MYLIP: variants seen among roughly 807,000 people sequenced by gnomAD.
MYLIP encodes the protein E3 ubiquitin-protein ligase MYLIP.
A neutral mutation model predicts 45.8 loss-of-function variants in MYLIP; 26 were observed. The ratio of observed to expected loss-of-function variants is 0.57; its 90% CI spans 0.42 to 0.79. The LOEUF is 0.79. Ranked by LOEUF, MYLIP falls within the 30% of genes least tolerant of loss-of-function variation. The pLI is 0.00. For synonymous variants in MYLIP, 213 were observed against 218.1 expected, an observed-to-expected ratio of 0.98 and a Z score of 0.21; for missense variants, 494 against 555.6, an observed-to-expected ratio of 0.89 and a Z score of 1.11.
intron 4 of MYLIP, 134 bp from the exon 5 acceptor site, chr6:16,143,565 G>A (rs530835028): frequency 3.4e-6 from 3 of 880,860 alleles, no homozygotes; most frequent in Non-Finnish European, 5.2e-6. Context: ...CAGCATTATG[G>A]TGATGTGATA....
At chr6:16,133,214 A>T (rs760174623) in intron 2 of MYLIP, among the ~76,000 whole-genome samples, 4 of 152,324 alleles carry the variant, frequency 2.6e-5, no homozygotes, top group Middle Eastern at 3.4e-3. Flanking sequence ...CCAGCTCTAC[A>T]TCCTACTTGA....
At chr6:16,136,242 A>AC (rs1228427102) in intron 2 of MYLIP, among the ~76,000 whole-genome samples, 3 of 77,510 alleles carry the variant, frequency 3.9e-5, no homozygotes, top group African/African-American at 9.8e-5. Flanking sequence ...CTTCTTTCCC[A>AC]CCCCCACCCA....
intron 4 of MYLIP, 26 bp from the exon 5 acceptor site, chr6:16,143,673 C>A: frequency 6.2e-7 from 1 of 1,611,646 alleles, no homozygotes; most frequent in Non-Finnish European, 8.5e-7. Flanking sequence ...TCTAGATCTG[C>A]TTTCTTTTCT....
Position 16,144,779 on chromosome 6 carries a change from A to G in MYLIP, c.828-118A>G, listed in dbSNP as rs891856443. 6 of 1,164,714 alleles carry G rather than the reference A, an allele frequency of 5.2e-6. No homozygotes were observed. In the Admixed American group the frequency reaches 1.5e-4, roughly 29 times the overall value. 72.1% of individuals were successfully genotyped at this position (1,164,714 alleles called of 1,614,324 possible). On this transcript the variant is annotated intron_variant, in intron 5 of 6. Coordinates refer to ENST00000356840, the MANE Select transcript of MYLIP (RefSeq NM_013262.4). ...CGTAAAACTGGAAGGACTTACTTTC[A>G]TACATGCAGACGAGACTATGAAACA... is the stretch of plus-strand genomic sequence containing the variant.
intron 2 of MYLIP, among the ~76,000 whole-genome samples, chr6:16,138,150 A>G (rs531556585): frequency 1.3e-5 from 2 of 152,330 alleles, no homozygotes; most frequent in African/African-American, 4.8e-5. Context: ...CAGAGAAAAC[A>G]GTTTTTTTCC....
Position 16,143,058 on chromosome 6 carries a change from A to G in MYLIP, c.503A>G (p.Gln168Arg). 1 of 1,614,212 alleles carries G rather than the reference A, an allele frequency of 6.2e-7. No individual in the cohort carries two copies. The highest frequency in any genetic ancestry group is 8.5e-7 in the Non-Finnish European group (1 of 1,180,026). ...CATAAGGAGTTGGAGGGGACCAGCCAGGCTTCAGCTGAATACCAAGTTTTG... is the reference window on the plus strand; with the variant it reads ...CATAAGGAGTTGGAGGGGACCAGCCGGGCTTCAGCTGAATACCAAGTTTTG... Reference protein sequence around the residue: ...AKHKELEGTSQASAEYQVLQI... With the variant: ...AKHKELEGTSRASAEYQVLQI... The change falls in exon 4 of 7, where the codon CAG (glutamine) becomes CGG (arginine). Residue 168 changes from glutamine to arginine, a missense_variant. Gln to Arg is a conservative substitution (Grantham distance 43). Coordinates refer to ENST00000356840, the MANE Select transcript of MYLIP (RefSeq NM_013262.4).
At chr6:16,144,013 T>A in intron 5 of MYLIP, 150 bp downstream of exon 5, 1 of 906,438 alleles carries the variant, frequency 1.1e-6, no homozygotes, top group Non-Finnish European at 1.6e-6. Context: ...GTAGTAGCAG[T>A]GGAGTCCTTA....
In MYLIP at chr6:16,129,116, G is replaced by A. The variant is rs955736894; in HGVS notation, c.-207G>A. Reference sequence around the variant, plus strand: ...GGCTGCTGGAGTGCGGCGCCACCGCGGAGGACAGGGGCAGCTGGCGGGCAG... The same window carrying A: ...GGCTGCTGGAGTGCGGCGCCACCGCAGAGGACAGGGGCAGCTGGCGGGCAG... On this transcript the variant is annotated 5_prime_UTR_variant, in exon 1 of 7. Transcript: ENST00000356840. The surrounding 1 kb of genome is among the most constrained non-coding windows in gnomAD (Gnocchi z 5.1). 7.1e-6 allele frequency: 4 copies of A among 563,124 alleles called. No homozygotes were observed. Among genetic ancestry groups the A allele is most frequent in the South Asian group, 4.3e-5 (2 of 46,312 alleles). The allele number at this position is 563,124 out of a possible 1,614,324, so 34.9% of individuals were successfully genotyped here.
chr6:16,143,702 A>G lies in MYLIP; in HGVS notation c.666A>G (p.Ile222Met). The change falls in exon 5 of 7, where the codon ATA (isoleucine) becomes ATG (methionine). Residue 222 changes from isoleucine to methionine, a missense_variant. By Grantham distance (10) the Ile-to-Met change is conservative. Coordinates refer to ENST00000356840, the MANE Select transcript of MYLIP (RefSeq NM_013262.4). ...CTTTTCTCTTCCTGTCTCTTAGGAT[A>G]GCTTATCCTGTGGTGCAGATGGCCA... is the stretch of plus-strand genomic sequence containing the variant. The part of the protein sequence containing the change: ...CKDDFSPINR[I>M]AYPVVQMATQ... The G allele has an allele frequency of 3.7e-6, 6 of 1,614,038 alleles. No homozygotes were observed. Among genetic ancestry groups the G allele is most frequent in the East Asian group, 2.2e-5 (1 of 44,888 alleles).
chr6:16,135,413 C>A (rs748155583), intron 2 of MYLIP, among the ~76,000 whole-genome samples: 14 of 152,146 alleles, frequency 9.2e-5, no homozygotes, highest in Admixed American at 4.6e-4. Context: ...AGCTGCTGCC[C>A]TCCACATCTT....
In MYLIP at chr6:16,143,052, C is replaced by A. The variant is rs1759705836; in HGVS notation, c.497C>A (p.Thr166Asn). The stretch of plus-strand genomic sequence containing the variant: ...GCAAAACATAAGGAGTTGGAGGGGA[C>A]CAGCCAGGCTTCAGCTGAATACCAA... ...IVAKHKELEG[T>N]SQASAEYQVL... Residue 166 changes from threonine to asparagine, a missense_variant, in exon 4 of 7, where the codon ACC (threonine) becomes AAC (asparagine). Transcript: ENST00000356840. 2 of 1,614,116 alleles carry A rather than the reference C, an allele frequency of 1.2e-6. No homozygotes were observed. Among genetic ancestry groups the A allele is most frequent in the East Asian group, 2.2e-5 (1 of 44,884 alleles).
the MYLIP span, among the ~76,000 whole-genome samples, chr6:16,155,573 T>C: frequency 6.6e-6 from 1 of 152,236 alleles, no homozygotes; most frequent in Non-Finnish European, 1.5e-5. Flanking sequence ...GAAATTTCCC[T>C]GACCCCTTTG....
At chr6:16,160,463 A>G in the MYLIP span, among the ~76,000 whole-genome samples, 1 of 152,074 alleles carries the variant, frequency 6.6e-6, no homozygotes, top group Non-Finnish European at 1.5e-5. Flanking sequence ...CCTGTCACGT[A>G]TTGGTTTGGA....
intron 4 of MYLIP, 44 bp downstream of exon 4, chr6:16,143,261 A>G (rs1356141134): frequency 6.4e-7 from 1 of 1,561,890 alleles, no homozygotes; most frequent in African/African-American, 1.4e-5. Flanking sequence ...ATGTGTATAC[A>G]TCTGTAGCTG....
chr6:16,143,470 C>G (rs895537989), intron 4 of MYLIP, among the ~76,000 whole-genome samples: 4 of 152,220 alleles, frequency 2.6e-5, no homozygotes, highest in African/African-American at 4.8e-5. Context: ...CAGCTCTAGA[C>G]ATGCATGTGC....
chr6:16,141,601 C>T (rs369548845), intron 2 of MYLIP, 24 bp from the exon 3 acceptor site: 60 of 1,599,358 alleles, frequency 3.8e-5, no homozygotes, highest in Non-Finnish European at 2.9e-5. Context: ...CCAAGCATAA[C>T]CTCACTCTCA....
At chr6:16,155,135 C>T in the MYLIP span, among the ~76,000 whole-genome samples, 1 of 152,112 alleles carries the variant, frequency 6.6e-6, no homozygotes, top group African/African-American at 2.4e-5. Flanking sequence ...GTGGGCTAGT[C>T]AGGCCTTAGT....
chr6:16,143,925 C>A (rs969126814), intron 5 of MYLIP, 62 bp downstream of exon 5: 74 of 1,535,292 alleles, frequency 4.8e-5, no homozygotes, highest in Admixed American at 2.3e-4. Flanking sequence ...AGGTGACAAC[C>A]AGGTTTCTAC....
chr6:16,143,535 A>G (rs1224005540), intron 4 of MYLIP, among the ~76,000 whole-genome samples, 164 bp from the exon 5 acceptor site: 1 of 152,088 alleles, frequency 6.6e-6, no homozygotes, highest in Non-Finnish European at 1.5e-5. Context: ...ACTGCTTTTC[A>G]CTGTATCTTT....
Sources: gnomAD v4.1 joint callset for allele counts (sites outside exome capture counted in the v4.1 genomes callset) on GRCh38, gnomAD v4.1.1 for gene constraint, Gnocchi (gnomAD v3.1) non-coding constraint, MANE v1.5 for transcripts, NCBI Gene and HGNC (gene_info 2026-07-23, HGNC 2026-07-21) for gene names.